TMEM267: variants seen among roughly 807,000 people sequenced by gnomAD.
TMEM267 encodes the protein transmembrane protein C5orf28.
A neutral mutation model predicts 19.3 loss-of-function variants in TMEM267; 20 were observed. The ratio of observed to expected loss-of-function variants is 1.04; its 90% CI spans 0.73 to 1.51. The LOEUF (loss-of-function observed/expected upper bound fraction) is 1.51, where lower values mean the gene tolerates loss of function less well. TMEM267 is among the 40% of genes most tolerant of loss of function. The pLI is 0.00. For synonymous variants in TMEM267, 88 were observed against 90.3 expected (o/e 0.97, Z 0.15); for missense variants, 242 against 261.9 (o/e 0.92, Z 0.52).
Position 43,469,827 on chromosome 5 carries a change from C to T in TMEM267, c.-75+13995G>A, listed in dbSNP as rs549765595. Among the ~76,000 whole-genome samples the T allele has an allele frequency of 2.0e-4, 30 of 152,280 alleles. No homozygotes were observed. The South Asian group carries it at 5.4e-3, about 27-fold the overall frequency. ...AATTTGCCCAGAAGGAAATTCCTTG[C>T]GGATCTCAAGATCTTTACCCTGAAA... On this transcript the variant is annotated intron_variant, in intron 1 of 2. Coordinates refer to ENST00000397080, the MANE Select transcript of TMEM267 (RefSeq NM_022483.5).
At chr5:43,450,058 A>T (rs1742487975) in intron 2 of TMEM267, among the ~76,000 whole-genome samples, 1 of 151,576 alleles carries the variant, frequency 6.6e-6, no homozygotes, top group Non-Finnish European at 1.5e-5. Flanking sequence ...ATAGTGGCAC[A>T]ATCTTAGCTC....
At chr5:43,448,650 C>T (rs949889962) in intron 2 of TMEM267, among the ~76,000 whole-genome samples, 6 of 151,948 alleles carry the variant, frequency 3.9e-5, no homozygotes, top group Non-Finnish European at 1.5e-5. Flanking sequence ...GTGGTGCATG[C>T]CTGTAATCCC....
intron 1 of TMEM267, among the ~76,000 whole-genome samples, chr5:43,483,275 A>T (rs1219494931): frequency 1.3e-5 from 2 of 152,210 alleles, no homozygotes; most frequent in African/African-American, 4.8e-5. Context: ...GTATTTCAAC[A>T]TGTTTCAAGC....
chr5:43,463,176 C>G (rs574260659), intron 1 of TMEM267, among the ~76,000 whole-genome samples: 2 of 152,208 alleles, frequency 1.3e-5, no homozygotes, highest in Non-Finnish European at 1.5e-5. Flanking sequence ...TGCAAATAAA[C>G]TAGAAAATCT....
At chr5:43,459,802 T>A (rs1197262164) in intron 1 of TMEM267, among the ~76,000 whole-genome samples, 1 of 152,206 alleles carries the variant, frequency 6.6e-6, no homozygotes, top group African/African-American at 2.4e-5. Flanking sequence ...GTGGTCCCAG[T>A]CCTTTTTGGC....
At chr5:43,463,193 A>T (rs2112109718) in intron 1 of TMEM267, among the ~76,000 whole-genome samples, 1 of 152,370 alleles carries the variant, frequency 6.6e-6, no homozygotes, top group East Asian at 1.9e-4. Flanking sequence ...ATCTAGAAGA[A>T]ATGGATAAAT....
chr5:43,481,885 C>A (rs1744798728), intron 1 of TMEM267, among the ~76,000 whole-genome samples: 1 of 152,144 alleles, frequency 6.6e-6, no homozygotes, highest in African/African-American at 2.4e-5. Flanking sequence ...CTCTGTCACC[C>A]AGGCTGGAGT....
chr5:43,463,939 T>C (rs1743440647), intron 1 of TMEM267, among the ~76,000 whole-genome samples: 2 of 152,334 alleles, frequency 1.3e-5, no homozygotes, highest in Admixed American at 1.3e-4. Context: ...AACATAGTGT[T>C]GGAAGTTCTG....
rs934942384 is a variant in TMEM267, at chr5:43,475,446, G to T, written c.-75+8376C>A. ...TGTAGATGACAGGTTGATGGGTGCA[G>T]CAAACCACCATGGCACGTGTATACC... On this transcript the variant is annotated intron_variant, in intron 1 of 2. Transcript: ENST00000397080. 2.0e-5 allele frequency among the ~76,000 whole-genome samples: 3 copies of T among 152,068 alleles called. 1 individual carries two copies. The highest frequency in any genetic ancestry group is 2.9e-5 in the Non-Finnish European group (2 of 68,018).
At chr5:43,478,214 G>A (rs2112211631) in intron 1 of TMEM267, among the ~76,000 whole-genome samples, 1 of 152,246 alleles carries the variant, frequency 6.6e-6, no homozygotes, top group South Asian at 2.1e-4. Flanking sequence ...ACCTAGTTTG[G>A]ATAATCAACT....
chr5:43,448,531 C>T (rs1007717051), intron 2 of TMEM267, among the ~76,000 whole-genome samples: 1 of 152,138 alleles, frequency 6.6e-6, no homozygotes, highest in African/African-American at 2.4e-5. Flanking sequence ...AATCCCAGCA[C>T]TTTGAGAGGC....
intron 1 of TMEM267, among the ~76,000 whole-genome samples, chr5:43,478,250 A>G (rs147392286): frequency 7.2e-4 from 110 of 152,360 alleles, no homozygotes; most frequent in African/African-American, 2.5e-3. Flanking sequence ...GTAATTTTAT[A>G]TAAACAACTT....
At chr5:43,468,855 G>A (rs533930632) in intron 1 of TMEM267, among the ~76,000 whole-genome samples, 1 of 152,106 alleles carries the variant, frequency 6.6e-6, no homozygotes, top group African/African-American at 2.4e-5. Flanking sequence ...AACAAAAATT[G>A]AATTAATATC....
intron 1 of TMEM267, among the ~76,000 whole-genome samples, chr5:43,465,426 C>A (rs1743595180): frequency 6.6e-6 from 1 of 152,138 alleles, no homozygotes; most frequent in Non-Finnish European, 1.5e-5. Context: ...GGATCTAGAA[C>A]TAGAAATACC....
At chr5:43,474,211 G>A (rs10169850) in intron 1 of TMEM267, among the ~76,000 whole-genome samples, 5 of 152,220 alleles carry the variant, frequency 3.3e-5, no homozygotes, top group African/African-American at 4.8e-5. Context: ...CAAAGACTTC[G>A]TCTTTTGTTA....
chr5:43,464,611 T>C (rs1743513914), intron 1 of TMEM267, among the ~76,000 whole-genome samples: 1 of 152,260 alleles, frequency 6.6e-6, no homozygotes, highest in Non-Finnish European at 1.5e-5. Context: ...AACAGAGATA[T>C]AGATCAATGG....
Position 43,483,858 on chromosome 5 carries a change from G to A in TMEM267, c.-111C>T, listed in dbSNP as rs13161668. The A allele has an allele frequency of 6.6e-6, 1 of 152,262 alleles. No homozygotes were observed. Among genetic ancestry groups the A allele is most frequent in the Non-Finnish European group, 1.5e-5 (1 of 68,150 alleles). 9.4% of individuals were successfully genotyped at this position (152,262 alleles called of 1,614,324 possible). A position where few individuals can be genotyped will look rare whatever the true frequency, so the allele number is the denominator to read the frequency against. On this transcript the variant is annotated 5_prime_UTR_variant, in exon 1 of 3. Coordinates refer to ENST00000397080, the MANE Select transcript of TMEM267 (RefSeq NM_022483.5). ...TGAGTTCAATCCAGCAGCAGCTCGAGCAGCGGCTCCGCCCCTCGGTCGGAG... is the reference window on the plus strand; with the variant it reads ...TGAGTTCAATCCAGCAGCAGCTCGAACAGCGGCTCCGCCCCTCGGTCGGAG...
At chr5:43,481,900 T>C (rs1478135377) in intron 1 of TMEM267, among the ~76,000 whole-genome samples, 1 of 152,196 alleles carries the variant, frequency 6.6e-6, no homozygotes, top group Non-Finnish European at 1.5e-5. Context: ...TGGAGTGCAG[T>C]GGCATGATCT....
At chr5:43,479,426 A>C (rs1698905846) in intron 1 of TMEM267, among the ~76,000 whole-genome samples, 2 of 151,968 alleles carry the variant, frequency 1.3e-5, no homozygotes, top group South Asian at 4.1e-4. Flanking sequence ...TGAAAAGTTA[A>C]AGCCAGGAGT....
Sources: allele counts gnomAD v4.1 joint callset (sites outside exome capture counted in the v4.1 genomes callset), GRCh38; gene constraint gnomAD v4.1.1; transcripts MANE v1.5; gene names NCBI Gene and HGNC (gene_info 2026-07-23, HGNC 2026-07-21).